The following B3GALT1 variants were observed in gnomAD, a reference collection of about 807,000 sequenced individuals.
B3GALT1 encodes beta-1,3-galactosyltransferase 1, also known as UDP-Gal:betaGlcNAc beta 1,3-galactosyltransferase, polypeptide 1.
Under a neutral mutation model 23.2 loss-of-function variants are expected in B3GALT1, and 10 were observed. The observed-to-expected ratio is 0.43, with a 90% CI of 0.27 to 0.73. B3GALT1 has a LOEUF of 0.73. Ranked by LOEUF, B3GALT1 falls within the 30% of genes least tolerant of loss-of-function variation. The pLI is 0.21. For missense variants in B3GALT1, 299 were observed against 405.4 expected, an observed-to-expected ratio of 0.74 and a Z score of 2.25; for synonymous variants, 156 against 141.5, an observed-to-expected ratio of 1.10 and a Z score of -0.73.
chr2:167,758,775 A>G lies in B3GALT1; in HGVS notation c.-351-59897A>G, dbSNP rs148718078. 2.0e-5 allele frequency among the ~76,000 whole-genome samples: 3 copies of G among 152,212 alleles called. No homozygotes were observed. In the East Asian group the frequency reaches 5.8e-4, roughly 30 times the overall value. On this transcript the variant is annotated intron_variant, in intron 3 of 4. Transcript: ENST00000392690. ...TTAAATTATTATAAAGGGTTTTTAT[A>G]TTAAGTCATCTCCCTGGGCTGCTGG...
At chr2:167,484,873 A>G (rs1008283220) in intron 1 of B3GALT1, among the ~76,000 whole-genome samples, 1 of 152,216 alleles carries the variant, frequency 6.6e-6, no homozygotes, top group Non-Finnish European at 1.5e-5. Flanking sequence ...TCCAAGAAAT[A>G]TATTTCAGGG....
chr2:167,684,891 C>A (rs933842357), intron 3 of B3GALT1, among the ~76,000 whole-genome samples: 2 of 152,170 alleles, frequency 1.3e-5, no homozygotes, highest in Admixed American at 1.3e-4. Context: ...ATCAGTTAAT[C>A]ATAGCCACCT....
intron 4 of B3GALT1, among the ~76,000 whole-genome samples, chr2:167,823,270 T>C (rs73021244): frequency 0.03 from 4,557 of 152,296 alleles, 227 homozygotes; most frequent in African/African-American, 0.1. Flanking sequence ...TTGTTACAGC[T>C]GCTGGTGTGG....
chr2:167,704,025 C>T (rs1686928510), intron 3 of B3GALT1, among the ~76,000 whole-genome samples: 1 of 151,688 alleles, frequency 6.6e-6, no homozygotes, highest in Non-Finnish European at 1.5e-5. Context: ...ACTAAAAATA[C>T]AAAAAATTAG....
intron 1 of B3GALT1, among the ~76,000 whole-genome samples, chr2:167,333,672 ATGC>A (rs141944968): frequency 0.016 from 2,503 of 152,310 alleles, 56 homozygotes; most frequent in East Asian, 0.082. Context: ...GCATCTCAAG[ATGC>A]TGCTGGAACT....
chr2:167,617,012 GT>G (rs1685172663), intron 2 of B3GALT1, among the ~76,000 whole-genome samples: 1 of 152,018 alleles, frequency 6.6e-6, no homozygotes, highest in South Asian at 2.1e-4. Context: ...TAAAATAAAA[GT>G]TTTTGATTAC....
At chr2:167,852,244 A>G (rs1334421466) in intron 4 of B3GALT1, among the ~76,000 whole-genome samples, 3 of 152,146 alleles carry the variant, frequency 2.0e-5, no homozygotes, top group African/African-American at 7.2e-5. Flanking sequence ...GCACCACTTT[A>G]TCACTTCTTA....
chr2:167,557,499 G>A (rs1385313348), intron 2 of B3GALT1, among the ~76,000 whole-genome samples: 4 of 152,106 alleles, frequency 2.6e-5, no homozygotes, highest in African/African-American at 9.7e-5. Flanking sequence ...TGATATCTTG[G>A]ATTTCAAGAA....
chr2:167,768,365 G>C (rs371874876), intron 3 of B3GALT1, among the ~76,000 whole-genome samples: 6 of 152,102 alleles, frequency 3.9e-5, no homozygotes, highest in African/African-American at 1.4e-4. Context: ...TATGCATCTG[G>C]CTGGAATTCT....
chr2:167,709,921 A>C (rs1299167269), intron 3 of B3GALT1, among the ~76,000 whole-genome samples: 7 of 152,194 alleles, frequency 4.6e-5, no homozygotes, highest in African/African-American at 1.4e-4. Flanking sequence ...TTATCACAAC[A>C]CAAAGTGTGA....
intron 1 of B3GALT1, among the ~76,000 whole-genome samples, chr2:167,396,942 A>G (rs886321958): frequency 6.6e-6 from 1 of 152,122 alleles, no homozygotes; most frequent in Non-Finnish European, 1.5e-5. Flanking sequence ...TCCTTGTGGT[A>G]TTACTACAAT....
At chr2:167,647,475 C>T (rs757799739) in intron 3 of B3GALT1, among the ~76,000 whole-genome samples, 1 of 152,168 alleles carries the variant, frequency 6.6e-6, no homozygotes, top group Non-Finnish European at 1.5e-5. Context: ...AAGGCAGAAT[C>T]CTTCCATGAA....
intron 3 of B3GALT1, among the ~76,000 whole-genome samples, chr2:167,658,427 C>T (rs796599160): frequency 3.3e-5 from 5 of 151,954 alleles, no homozygotes; most frequent in Admixed American, 6.6e-5. Context: ...ATCCAAATCC[C>T]GAGTTGAAGA....
chr2:167,507,504 CAA>C (rs60408245), intron 2 of B3GALT1, among the ~76,000 whole-genome samples: 48 of 26,596 alleles, frequency 1.8e-3, no homozygotes, highest in African/African-American at 3.4e-3. Context: ...GACTCCGTCT[CAA>C]AAAAAAAAAA....
intron 3 of B3GALT1, among the ~76,000 whole-genome samples, chr2:167,650,992 A>G (rs1685853100): frequency 1.3e-5 from 2 of 152,104 alleles, no homozygotes; most frequent in Non-Finnish European, 2.9e-5. Context: ...ATGCTTTAAA[A>G]CAAAATTCTT....
At chr2:167,819,998 C>T (rs1029266529) in intron 4 of B3GALT1, among the ~76,000 whole-genome samples, 3 of 152,136 alleles carry the variant, frequency 2.0e-5, no homozygotes, top group Non-Finnish European at 2.9e-5. Context: ...AGTGGAGCAG[C>T]GTCAGCACAC....
At chr2:167,666,930 G>T (rs1383192773) in intron 3 of B3GALT1, among the ~76,000 whole-genome samples, 2 of 151,944 alleles carry the variant, frequency 1.3e-5, no homozygotes, top group Non-Finnish European at 2.9e-5. Flanking sequence ...TCTTTTAATT[G>T]GAGCATTTAG....
At chr2:167,856,431 T>C (rs536875606) in intron 4 of B3GALT1, among the ~76,000 whole-genome samples, 1 of 152,228 alleles carries the variant, frequency 6.6e-6, no homozygotes, top group South Asian at 2.1e-4. Flanking sequence ...GAAGTCTTGT[T>C]CTCAAGAGCA....
chr2:167,686,621 C>T (rs537222301), intron 3 of B3GALT1, among the ~76,000 whole-genome samples: 48 of 152,248 alleles, frequency 3.2e-4, no homozygotes, highest in African/African-American at 1.0e-3. Context: ...GTTTTAACTC[C>T]TCCTCAAAGC....
Sources: gnomAD v4.1 joint callset for allele counts (sites outside exome capture counted in the v4.1 genomes callset) on GRCh38, gnomAD v4.1.1 for gene constraint, MANE v1.5 for transcripts, NCBI Gene and HGNC (gene_info 2026-07-23, HGNC 2026-07-21) for gene names.